Variants in LRRC4C observed in about 807,000 individuals in gnomAD.
LRRC4C encodes the protein leucine-rich repeat-containing protein 4C.
In LRRC4C, 5 loss-of-function variants were observed where a neutral mutation model predicts 33.6. That is an observed-to-expected ratio of 0.15 (90% CI 0.08 to 0.31). The LOEUF (loss-of-function observed/expected upper bound fraction) is 0.31. Ranked by LOEUF, LRRC4C falls within the 10% of genes least tolerant of loss-of-function variation. LRRC4C has a pLI of 1.00. For synonymous variants in LRRC4C, 329 were observed against 302.0 expected (o/e 1.09, Z -0.93); for missense variants, 560 against 796.7 (o/e 0.70, Z 3.58).
At chr11:41,232,605 AATAAT>A (rs1947849073) in intron 1 of LRRC4C, among the ~76,000 whole-genome samples, 1 of 152,082 alleles carries the variant, frequency 6.6e-6, no homozygotes, top group Admixed American at 6.6e-5. Flanking sequence ...GTTATCAATA[AATAAT>A]ATGTGTATGT....
chr11:40,561,856 T>G (rs1399418704), intron 3 of LRRC4C, among the ~76,000 whole-genome samples: 1 of 152,348 alleles, frequency 6.6e-6, no homozygotes, highest in East Asian at 1.9e-4. Context: ...TAGTTGGAAT[T>G]TTCTTCATAT....
chr11:40,424,754 T>G (rs985531314), intron 3 of LRRC4C, among the ~76,000 whole-genome samples: 1 of 152,230 alleles, frequency 6.6e-6, no homozygotes, highest in Non-Finnish European at 1.5e-5. Flanking sequence ...TTAAAAATTA[T>G]ATGTATATTT....
At chr11:40,556,800 A>G (rs999115933) in intron 3 of LRRC4C, among the ~76,000 whole-genome samples, 2 of 152,228 alleles carry the variant, frequency 1.3e-5, no homozygotes, top group Non-Finnish European at 2.9e-5. Context: ...GAGATTAAAA[A>G]TCAAAAGTTC....
At chr11:40,138,207 A>C (rs1857120860) in intron 6 of LRRC4C, among the ~76,000 whole-genome samples, 3 of 150,318 alleles carry the variant, frequency 2.0e-5, no homozygotes, top group Admixed American at 1.3e-4. Context: ...TTGCTCTGCC[A>C]CTCAGGCTAG....
intron 1 of LRRC4C, among the ~76,000 whole-genome samples, chr11:41,103,782 G>C (rs1217371270): frequency 6.6e-6 from 1 of 151,902 alleles, no homozygotes; most frequent in African/African-American, 2.4e-5. Context: ...CATAAGAATA[G>C]ACATAGATCC....
chr11:40,504,768 A>T (rs1317269659), intron 3 of LRRC4C, among the ~76,000 whole-genome samples: 1 of 152,130 alleles, frequency 6.6e-6, no homozygotes, highest in African/African-American at 2.4e-5. Context: ...CACATTTCTC[A>T]TCAACATTTT....
rs560612162 is a variant in LRRC4C, at chr11:41,073,361, A to T, written c.-495-139638T>A. Among the ~76,000 whole-genome samples, 15 of 152,246 alleles carry T rather than the reference A, an allele frequency of 9.9e-5. No homozygotes were observed. The South Asian group carries it at 3.1e-3, about 32-fold the overall frequency. Reference sequence around the variant, plus strand: ...TTTTTAACAACTGGCTTTCTCTGGAACAAATAGAGCAAGAGCTCCTTTCCT... The same window carrying T: ...TTTTTAACAACTGGCTTTCTCTGGATCAAATAGAGCAAGAGCTCCTTTCCT... On this transcript the variant is annotated intron_variant, in intron 1 of 6. Coordinates refer to ENST00000528697, the MANE Select transcript of LRRC4C (RefSeq NM_001258419.2).
chr11:40,652,026 C>G (rs957933278), intron 2 of LRRC4C, among the ~76,000 whole-genome samples: 16 of 152,148 alleles, frequency 1.1e-4, no homozygotes, highest in African/African-American at 3.6e-4. Context: ...TTTACAAAAA[C>G]TCAATTGGGG....
intron 3 of LRRC4C, among the ~76,000 whole-genome samples, chr11:40,365,571 A>C (rs1470815538): frequency 1.3e-5 from 2 of 152,018 alleles, no homozygotes; most frequent in African/African-American, 4.8e-5. Flanking sequence ...GGGGGGCCCG[A>C]GAGGAGATTT....
chr11:41,158,710 C>A (rs1257239180), intron 1 of LRRC4C, among the ~76,000 whole-genome samples: 1 of 152,234 alleles, frequency 6.6e-6, no homozygotes, highest in Admixed American at 6.5e-5. Context: ...CAAATCAGTT[C>A]ATCAGAGAGC....
At chr11:41,071,965 A>C (rs1194689926) in intron 1 of LRRC4C, among the ~76,000 whole-genome samples, 1 of 152,170 alleles carries the variant, frequency 6.6e-6, no homozygotes, top group African/African-American at 2.4e-5. Context: ...CAGAATGCAA[A>C]TAAGAATTGC....
At chr11:40,827,548 T>C (rs1349811282) in intron 2 of LRRC4C, among the ~76,000 whole-genome samples, 1 of 151,934 alleles carries the variant, frequency 6.6e-6, no homozygotes, top group Non-Finnish European at 1.5e-5. Context: ...AACCTAATAA[T>C]ATTAAAACCT....
intron 2 of LRRC4C, among the ~76,000 whole-genome samples, chr11:40,665,341 T>TAC (rs1943726218): frequency 8.5e-4 from 11 of 12,880 alleles, no homozygotes; most frequent in African/African-American, 1.8e-3. Context: ...TATATATATA[T>TAC]ATATATATAT....
chr11:40,599,310 G>A (rs758280026), intron 3 of LRRC4C, among the ~76,000 whole-genome samples: 14 of 152,106 alleles, frequency 9.2e-5, no homozygotes, highest in South Asian at 4.2e-4. Context: ...AAATCACCAG[G>A]TTTCGTGGCA....
At chr11:40,913,410 A>T (rs1956788552) in intron 2 of LRRC4C, among the ~76,000 whole-genome samples, 1 of 152,216 alleles carries the variant, frequency 6.6e-6, no homozygotes, top group African/African-American at 2.4e-5. Flanking sequence ...AAACCACTCA[A>T]CTACATGGAA....
chr11:41,084,441 AT>A (rs200409593), intron 1 of LRRC4C, among the ~76,000 whole-genome samples: 1,535 of 152,292 alleles, frequency 0.01, 26 homozygotes, highest in African/African-American at 0.035. Flanking sequence ...TAACACATAC[AT>A]TTTTAAATGT....
chr11:41,193,711 G>T (rs1024399014), intron 1 of LRRC4C, among the ~76,000 whole-genome samples: 2 of 152,056 alleles, frequency 1.3e-5, no homozygotes, highest in Non-Finnish European at 2.9e-5. Context: ...CTAAACCAGT[G>T]CCAGACGAGG....
At chr11:41,000,826 T>C (rs1854319629) in intron 1 of LRRC4C, among the ~76,000 whole-genome samples, 1 of 152,174 alleles carries the variant, frequency 6.6e-6, no homozygotes, top group Non-Finnish European at 1.5e-5. Context: ...TAAGCCTACT[T>C]TTGGCAGAGA....
intron 2 of LRRC4C, among the ~76,000 whole-genome samples, chr11:40,705,469 T>A (rs1043059587): frequency 2.6e-5 from 4 of 151,850 alleles, no homozygotes; most frequent in African/African-American, 9.7e-5. Context: ...TGGTTTTCTG[T>A]CCTTGCCATA....
Sources: allele counts gnomAD v4.1 joint callset (sites outside exome capture counted in the v4.1 genomes callset), GRCh38; gene constraint gnomAD v4.1.1; transcripts MANE v1.5; gene names NCBI Gene and HGNC (gene_info 2026-07-23, HGNC 2026-07-21).